GSTCD: variants seen among roughly 807,000 people sequenced by gnomAD.
GSTCD encodes the protein glutathione S-transferase C-terminal domain-containing protein.
GSTCD carries 44 observed loss-of-function variants against 68.3 expected under a neutral mutation model. The ratio of observed to expected loss-of-function variants is 0.64; its 90% confidence interval spans 0.51 to 0.83. GSTCD has a LOEUF of 0.83. Among genes scored for constraint, GSTCD ranks in the 40% least tolerant of loss-of-function variants. GSTCD has a pLI of 0.00. For missense variants in GSTCD, 739 were observed against 735.9 expected, an observed-to-expected ratio of 1.00 and a Z score of -0.05; for synonymous variants, 273 against 255.2, an observed-to-expected ratio of 1.07 and a Z score of -0.67.
chr4:105,844,007 C>A (rs1031225006), intron 11 of GSTCD, among the ~76,000 whole-genome samples: 6 of 152,078 alleles, frequency 3.9e-5, no homozygotes, highest in African/African-American at 1.2e-4. Flanking sequence ...CCTCCCCAGG[C>A]CCACAAAGGT....
chr4:105,823,277 T>C lies in GSTCD; in HGVS notation c.1401+2T>C. Reference sequence around the variant, plus strand: ...GCTCACATGCTGCCATCATGTCAGGTAAAGCCAGAATAAGAGATAAAAGGA... The same window carrying C: ...GCTCACATGCTGCCATCATGTCAGGCAAAGCCAGAATAAGAGATAAAAGGA... On this transcript the variant is annotated splice_donor_variant, in intron 7 of 11. Transcript: ENST00000515279. LOFTEE classifies it high-confidence loss of function. 6.2e-7 allele frequency: 1 copy of C among 1,613,494 alleles called. No individual in the cohort carries two copies. Among genetic ancestry groups the C allele is most frequent in the Non-Finnish European group, 8.5e-7 (1 of 1,179,448 alleles).
chr4:105,808,470 A>G (rs1722616483), intron 5 of GSTCD, among the ~76,000 whole-genome samples: 1 of 152,066 alleles, frequency 6.6e-6, no homozygotes, highest in East Asian at 1.9e-4. Context: ...AGCAACTATC[A>G]TGTCTAGCCT....
intron 5 of GSTCD, 138 bp downstream of exon 5, chr4:105,729,637 C>A: frequency 2.2e-6 from 1 of 459,974 alleles, no homozygotes; most frequent in Non-Finnish European, 3.8e-6. Flanking sequence ...TTTTATTTTT[C>A]TTATGAAAAT....
At chr4:105,717,297 A>G (rs1274068335) in intron 1 of GSTCD, among the ~76,000 whole-genome samples, 1 of 152,092 alleles carries the variant, frequency 6.6e-6, no homozygotes, top group Non-Finnish European at 1.5e-5. Context: ...TCCTGTTCTC[A>G]CATATAGTGA....
chr4:105,720,433 C>T (rs1209823662), intron 3 of GSTCD, among the ~76,000 whole-genome samples: 1 of 152,190 alleles, frequency 6.6e-6, no homozygotes, highest in Non-Finnish European at 1.5e-5. Flanking sequence ...ATTCAGGTAT[C>T]TCTATGGACA....
intron 5 of GSTCD, among the ~76,000 whole-genome samples, chr4:105,805,405 G>A (rs547867466): frequency 3.3e-5 from 5 of 152,110 alleles, no homozygotes; most frequent in Admixed American, 2.6e-4. Context: ...ATTAAAACTC[G>A]AGAAGGCACA....
chr4:105,755,125 G>T (rs1398573138), intron 5 of GSTCD, among the ~76,000 whole-genome samples: 3 of 146,132 alleles, frequency 2.1e-5, no homozygotes, highest in South Asian at 2.2e-4. Context: ...TTGCGCACCT[G>T]TAGTTCCTGC....
At chr4:105,842,199 C>T in intron 11 of GSTCD, 65 bp downstream of exon 11, 1 of 1,316,218 alleles carries the variant, frequency 7.6e-7, no homozygotes, top group Non-Finnish European at 1.1e-6. Context: ...ATGATTGGAC[C>T]AAGTCTATAT....
intron 5 of GSTCD, among the ~76,000 whole-genome samples, chr4:105,780,056 T>C (rs1019150053): frequency 1.3e-5 from 2 of 152,226 alleles, no homozygotes; most frequent in African/African-American, 2.4e-5. Context: ...ACATGTTTCA[T>C]ATTGCTCCTT....
At chr4:105,826,945 G>A (rs913980303) in intron 8 of GSTCD, among the ~76,000 whole-genome samples, 1 of 152,004 alleles carries the variant, frequency 6.6e-6, no homozygotes, top group Non-Finnish European at 1.5e-5. Flanking sequence ...ATTGACTACT[G>A]CAAATTTGGG....
At chr4:105,728,669 C>CTAGATA (rs758465092) in intron 4 of GSTCD, among the ~76,000 whole-genome samples, 4,077 of 131,808 alleles carry the variant, frequency 0.031, 69 homozygotes, top group African/African-American at 0.037. Context: ...ATGGAGATAT[C>CTAGATA]TAGATATAGA....
In GSTCD at chr4:105,719,489, G is replaced by A. The variant is rs896075267; in HGVS notation, c.856G>A (p.Ala286Thr). 1 of 1,613,864 alleles carries A rather than the reference G, an allele frequency of 6.2e-7. No individual in the cohort carries two copies. Among genetic ancestry groups the A allele is most frequent in the African/African-American group, 1.3e-5 (1 of 74,910 alleles). The change falls in exon 3 of 12, where the codon GCA (alanine) becomes ACA (threonine). Residue 286 changes from alanine to threonine, a missense_variant. Physicochemically the swap from Ala to Thr is moderately conservative, Grantham distance 58. Coordinates refer to ENST00000515279, the MANE Select transcript of GSTCD (RefSeq NM_001370181.1). ...TGCAGAAGGGCTTTACTTCACTCTG[G>A]CAGATATTGTGCTCTTGCCCTGTAT... ...VFAEGLYFTL[A>T]DIVLLPCIHH...
intron 1 of GSTCD, among the ~76,000 whole-genome samples, chr4:105,716,483 A>G (rs1259588144): frequency 6.6e-6 from 1 of 152,180 alleles, no homozygotes; most frequent in Non-Finnish European, 1.5e-5. Context: ...CCCACCTCAA[A>G]GTGGGAGGTG....
intron 5 of GSTCD, among the ~76,000 whole-genome samples, chr4:105,779,923 T>C (rs1306962773): frequency 6.6e-6 from 1 of 152,214 alleles, no homozygotes; most frequent in Non-Finnish European, 1.5e-5. Context: ...TGCTCTTTTA[T>C]ATAGAAAGAT....
chr4:105,777,445 A>G (rs772743548), intron 5 of GSTCD, among the ~76,000 whole-genome samples: 1 of 152,164 alleles, frequency 6.6e-6, no homozygotes, highest in African/African-American at 2.4e-5. Flanking sequence ...TCCTCCCTTT[A>G]TCACATTTCT....
At chr4:105,738,982 A>T (rs1263457011) in intron 5 of GSTCD, among the ~76,000 whole-genome samples, 1 of 152,206 alleles carries the variant, frequency 6.6e-6, no homozygotes, top group Non-Finnish European at 1.5e-5. Flanking sequence ...GTTTGACATA[A>T]GACCTTTATT....
At chr4:105,738,878 G>A (rs898355266) in intron 5 of GSTCD, among the ~76,000 whole-genome samples, 1 of 152,180 alleles carries the variant, frequency 6.6e-6, no homozygotes, top group African/African-American at 2.4e-5. Context: ...TCAGTAAGGT[G>A]AATAGGAGTG....
intron 5 of GSTCD, among the ~76,000 whole-genome samples, chr4:105,792,637 G>T (rs892257506): frequency 2.0e-5 from 3 of 151,978 alleles, no homozygotes; most frequent in African/African-American, 7.3e-5. Flanking sequence ...AGTTGATTTT[G>T]GTATCAAAAC....
intron 5 of GSTCD, among the ~76,000 whole-genome samples, chr4:105,779,717 G>T (rs191549641): frequency 6.6e-6 from 1 of 152,230 alleles, no homozygotes; most frequent in Admixed American, 6.5e-5. Context: ...TTTTTGACAG[G>T]TACAAATAAA....
Sources: allele counts gnomAD v4.1 joint callset (sites outside exome capture counted in the v4.1 genomes callset), GRCh38; gene constraint gnomAD v4.1.1; transcripts MANE v1.5; gene names NCBI Gene and HGNC (gene_info 2026-07-23, HGNC 2026-07-21).